Variants in KHSRP observed in about 807,000 individuals in gnomAD.
The protein encoded by KHSRP is KH-type splicing regulatory protein.
A neutral mutation model predicts 94.9 loss-of-function variants in KHSRP; 13 were observed. That is an observed-to-expected ratio of 0.14 (90% confidence interval 0.09 to 0.22). KHSRP has a LOEUF of 0.22. Among genes scored for constraint, KHSRP ranks in the 10% least tolerant of loss-of-function variants. KHSRP has a pLI of 1.00. For missense variants in KHSRP, 710 were observed against 1,010.0 expected (o/e 0.70, Z 4.03); for synonymous variants, 495 against 401.4 (o/e 1.23, Z -2.79).
At chr19:6,417,113 G>T in intron 11 of KHSRP, 26 bp from the exon 12 acceptor site, 1 of 1,570,404 alleles carries the variant, frequency 6.4e-7, no homozygotes, top group Non-Finnish European at 8.6e-7. Flanking sequence ...AGAGAGCAGA[G>T]ACACAAGTTT....
In KHSRP at chr19:6,415,828, G is replaced by T. The variant is rs897710422; in HGVS notation, c.1667C>A (p.Pro556Gln). 2.5e-6 allele frequency: 4 copies of T among 1,574,052 alleles called. No homozygotes were observed. The highest frequency in any genetic ancestry group is 2.7e-5 in the African/African-American group (2 of 74,194). Residue 556 changes from proline (P) to glutamine (Q), a missense_variant, in exon 16 of 19, where the codon CCG becomes CAG. Pro to Gln is a moderately conservative substitution (Grantham distance 76, BLOSUM62 -1). This residue lies in a region of KHSRP where 292 missense variants were observed against 340.5 expected (regional missense o/e 0.86). Coordinates refer to ENST00000600480, the MANE Select transcript of KHSRP (RefSeq NM_001366299.1). ...CTTACTTGGGTCATGAGGAGCAGGC[G>T]GCTGCCACTGGGGGTAGGTATTGCC... ...GWGNTYPQWQ[P>Q]PAPHDPSKAA...
Position 6,417,017 on chromosome 19 carries a change from C to G in KHSRP, c.1152G>C (p.Arg384=). Residue 384 remains arginine, a synonymous_variant, in exon 12 of 19, where the codon CGG becomes CGC. Coordinates refer to ENST00000600480, the MANE Select transcript of KHSRP (RefSeq NM_001366299.1). ...GPPDRCEHAA[R]IINDLLQSLR... The stretch of plus-strand genomic sequence containing the variant: ...GGCTCTGGAGGAGGTCGTTGATGAT[C>G]CGGGCTGCGTGCTCGCACCTGTCTG... 6.2e-7 allele frequency: 1 copy of G among 1,613,806 alleles called. No individual in the cohort carries two copies. The highest frequency in any genetic ancestry group is 8.5e-7 in the Non-Finnish European group (1 of 1,179,874).
At chr19:6,416,094 C>A (rs73565848) in intron 15 of KHSRP, among the ~76,000 whole-genome samples, 198 bp from the exon 16 acceptor site, 2 of 152,178 alleles carry the variant, frequency 1.3e-5, no homozygotes, top group African/African-American at 2.4e-5. Flanking sequence ...AAAGAAGCCG[C>A]GAAACTTGCA....
At chr19:6,422,521 G>T in intron 1 of KHSRP, 85 bp from the exon 2 acceptor site, 2 of 962,528 alleles carry the variant, frequency 2.1e-6, no homozygotes, top group Non-Finnish European at 3.3e-6. Flanking sequence ...AACATCTCCT[G>T]GACACGAAAG....
Position 6,416,831 on chromosome 19 carries a change from C to A in KHSRP, c.1234G>T (p.Gly412Cys). 1 of 1,589,336 alleles carries A rather than the reference C, an allele frequency of 6.3e-7. No individual in the cohort carries two copies. Among genetic ancestry groups the A allele is most frequent in the Non-Finnish European group, 8.6e-7 (1 of 1,168,566 alleles). Residue 412 changes from glycine to cysteine, a missense_variant, in exon 13 of 19, where the codon GGC becomes TGC. Physicochemically the swap from Gly to Cys is radical, Grantham distance 159. Around this residue, in one of 5 missense-constraint regions of KHSRP, gnomAD observed 288 missense variants for 501.1 expected, o/e 0.57. Coordinates refer to ENST00000600480, the MANE Select transcript of KHSRP (RefSeq NM_001366299.1). ...CAATTGCCTTGGCCTCTTCCTCGGCCTCGGCCCCCCGGGGGCATGCCTGGA... is the reference window on the plus strand; with the variant it reads ...CAATTGCCTTGGCCTCTTCCTCGGCATCGGCCCCCCGGGGGCATGCCTGGA... ...GGPGMPPGGR[G>C]RGRGQGNWGP...
In KHSRP at chr19:6,422,439, A is replaced by G. The variant is rs367990553; in HGVS notation, c.250-3T>C. 3.1e-6 allele frequency: 5 copies of G among 1,608,658 alleles called. No individual in the cohort carries two copies. The African/African-American group carries it at 5.3e-5, about 17-fold the overall frequency. On this transcript the variant is annotated splice_region_variant and splice_polypyrimidine_tract_variant and intron_variant, in intron 1 of 18. Transcript: ENST00000600480. ...TCGCCTCCAATTTTGGCTGCAATCT[A>G]GAATAAAGTAGTAAGCACAGAAGAA...
At position 6,417,102 on chromosome 19, in the gene KHSRP, G is replaced by C; in HGVS notation, c.1082-15C>G. The C allele has an allele frequency of 6.3e-7, 1 of 1,583,856 alleles. No homozygotes were observed. The highest frequency in any genetic ancestry group is 1.4e-5 in the African/African-American group (1 of 73,444). ...TGTCCCGTCATCTGAGGCCAGCACC[G>C]AGAGAGCAGAGACACAAGTTTAAAA... On this transcript the variant is annotated splice_polypyrimidine_tract_variant and intron_variant, in intron 11 of 18. Coordinates refer to ENST00000600480, the MANE Select transcript of KHSRP (RefSeq NM_001366299.1).
intron 4 of KHSRP, 109 bp from the exon 5 acceptor site, chr19:6,420,580 AC>A: frequency 2.0e-6 from 2 of 983,958 alleles, no homozygotes; most frequent in Non-Finnish European, 1.6e-6. Context: ...GCAGAGTCTG[AC>A]CACACAGGCC....
At chr19:6,417,118 A>C (rs750013044) in intron 11 of KHSRP, 31 bp from the exon 12 acceptor site, 1 of 1,555,738 alleles carries the variant, frequency 6.4e-7, no homozygotes, top group South Asian at 1.1e-5. Flanking sequence ...GCAGAGACAC[A>C]AGTTTAAAAG....
Position 6,416,670 on chromosome 19 carries a change from G to A in KHSRP, c.1328-20C>T. ...CGCCACCTGCAGAAACGCAGAAGGTGAAGGTGGCCTGCAGTGATGGCCCAG... is the reference window on the plus strand; with the variant it reads ...CGCCACCTGCAGAAACGCAGAAGGTAAAGGTGGCCTGCAGTGATGGCCCAG... On this transcript the variant is annotated intron_variant, in intron 13 of 18. Transcript: ENST00000600480. 6.2e-7 allele frequency: 1 copy of A among 1,613,820 alleles called. No individual in the cohort carries two copies. The highest frequency in any genetic ancestry group is 8.5e-7 in the Non-Finnish European group (1 of 1,179,770).
At position 6,413,339 on chromosome 19, in the gene KHSRP, G is replaced by A. The variant is rs922440673; in HGVS notation, c.*1685C>T. The stretch of plus-strand genomic sequence containing the variant: ...AAAGGGGGGGAGACAGACAGCACCC[G>A]CAGACGGGGAGGTTTTGTTATCATT... On this transcript the variant is annotated 3_prime_UTR_variant, in exon 19 of 19. Transcript: ENST00000600480. 2.6e-5 allele frequency: 9 copies of A among 343,634 alleles called. No individual in the cohort carries two copies. Among genetic ancestry groups the A allele is most frequent in the East Asian group, 1.1e-4 (1 of 8,724 alleles). The allele number at this position is 343,634 out of a possible 1,614,324, so 21.3% of individuals were successfully genotyped here.
intron 4 of KHSRP, 104 bp from the exon 5 acceptor site, chr19:6,420,575 G>T: frequency 3.9e-6 from 4 of 1,031,684 alleles, no homozygotes; most frequent in Non-Finnish European, 6.0e-6. Flanking sequence ...TCTAAGCAGA[G>T]TCTGACCACA....
In KHSRP at chr19:6,418,177, C is replaced by T. The variant is rs2092166840; in HGVS notation, c.880-98G>A. 3 of 1,043,176 alleles carry T rather than the reference C, an allele frequency of 2.9e-6. No homozygotes were observed. Among genetic ancestry groups the T allele is most frequent in the African/African-American group, 3.2e-5 (2 of 63,434 alleles). 64.6% of individuals were successfully genotyped at this position (1,043,176 alleles called of 1,614,324 possible). A position where few individuals can be genotyped will look rare whatever the true frequency, so the allele number is the denominator to read the frequency against. Reference sequence around the variant, plus strand: ...CGGGCCTCAACTAAGGACCCACGAACCCTGGGTGAGCCCAGCACAGCACCC... The same window carrying T: ...CGGGCCTCAACTAAGGACCCACGAATCCTGGGTGAGCCCAGCACAGCACCC... On this transcript the variant is annotated intron_variant, in intron 9 of 18. Coordinates refer to ENST00000600480, the MANE Select transcript of KHSRP (RefSeq NM_001366299.1). The surrounding 1 kb of genome is among the most constrained non-coding windows in gnomAD (Gnocchi z 4.3).
intron 1 of KHSRP, 139 bp downstream of exon 1, chr19:6,424,314 C>G (rs1231508539): frequency 4.4e-6 from 1 of 227,630 alleles, no homozygotes; most frequent in Non-Finnish European, 7.3e-6. Flanking sequence ...GGGCCAGGCC[C>G]CCGCCTACCG....
Position 6,414,504 on chromosome 19 carries a change from T to G in KHSRP, c.*520A>C. ...CACCCCTGTGAGGTAGGTTGGAAGG[T>G]GGCAACGATCTTCACGCCCACTTCA... On this transcript the variant is annotated 3_prime_UTR_variant, in exon 19 of 19. Transcript: ENST00000600480. The G allele has an allele frequency of 9.4e-7, 1 of 1,061,348 alleles. No individual in the cohort carries two copies. The highest frequency in any genetic ancestry group is 1.1e-6 in the Non-Finnish European group (1 of 879,198). 65.7% of individuals were successfully genotyped at this position (1,061,348 alleles called of 1,614,324 possible). A position where few individuals can be genotyped will look rare whatever the true frequency, so the allele number is the denominator to read the frequency against.
intron 4 of KHSRP, 164 bp downstream of exon 4, chr19:6,421,114 G>T: frequency 1.5e-6 from 1 of 660,518 alleles, no homozygotes; most frequent in Non-Finnish European, 2.7e-6. Context: ...ACGAGGAACG[G>T]ACACAGCTCC....
chr19:6,424,370 G>T lies in KHSRP; in HGVS notation c.249+83C>A, dbSNP rs2092218232. The T allele has an allele frequency of 7.4e-6, 5 of 671,468 alleles. 1 individual carries two copies. In the South Asian group the frequency reaches 3.3e-4, roughly 45 times the overall value. The allele number at this position is 671,468 out of a possible 1,614,324, so 41.6% of individuals were successfully genotyped here. The stretch of plus-strand genomic sequence containing the variant: ...CCCCGGCCCCCCTCCGCGACCCTGC[G>T]CGCGCGCGCGCACGTGACCCCCGCC... On this transcript the variant is annotated intron_variant, in intron 1 of 18. Transcript: ENST00000600480.
At chr19:6,416,919 G>A (rs2092151246) in intron 12 of KHSRP, 37 bp from the exon 13 acceptor site, 5 of 1,612,926 alleles carry the variant, frequency 3.1e-6, no homozygotes, top group East Asian at 4.5e-5. Flanking sequence ...GATGAACCCT[G>A]GAAGCCGGTC....
In KHSRP at chr19:6,416,476, C is replaced by A; in HGVS notation, c.1488+14G>T. The A allele has an allele frequency of 1.2e-6, 2 of 1,612,356 alleles. No individual in the cohort carries two copies. Among genetic ancestry groups the A allele is most frequent in the Non-Finnish European group, 1.7e-6 (2 of 1,179,338 alleles). ...GGCTGTGAGACCAAATCCCCAGAGC[C>A]CGCCCCAACCCACCTCGATCTTTTC... On this transcript the variant is annotated intron_variant, in intron 14 of 18. Coordinates refer to ENST00000600480, the MANE Select transcript of KHSRP (RefSeq NM_001366299.1).
Sources: gnomAD v4.1 joint callset for allele counts (sites outside exome capture counted in the v4.1 genomes callset) on GRCh38, gnomAD v4.1.1 for gene constraint, gnomAD v4.1.1 regional missense constraint, Gnocchi (gnomAD v3.1) non-coding constraint, MANE v1.5 for transcripts, NCBI Gene and HGNC (gene_info 2026-07-23, HGNC 2026-07-21) for gene names.